Variants in SYT10 observed in about 807,000 individuals in gnomAD.
SYT10 encodes synaptotagmin-10.
In SYT10, 31 loss-of-function variants were observed where a neutral mutation model predicts 51.1. The ratio of observed to expected loss-of-function variants is 0.61; its 90% confidence interval spans 0.46 to 0.82. The LOEUF (loss-of-function observed/expected upper bound fraction) is 0.82. Among genes scored for constraint, SYT10 ranks in the 40% least tolerant of loss-of-function variants. The pLI is 0.00. For synonymous variants in SYT10, 233 were observed against 225.9 expected (o/e 1.03, Z -0.28); for missense variants, 603 against 634.0 (o/e 0.95, Z 0.53).
intron 6 of SYT10, among the ~76,000 whole-genome samples, chr12:33,377,714 G>A (rs1407547738): frequency 2.8e-5 from 4 of 145,388 alleles, no homozygotes; most frequent in African/African-American, 5.1e-5. Context: ...TGCAACCTCC[G>A]CCTCCTGGGT....
intron 1 of SYT10, among the ~76,000 whole-genome samples, chr12:33,433,801 C>T (rs1461476974): frequency 6.6e-6 from 1 of 152,254 alleles, no homozygotes; most frequent in East Asian, 1.9e-4. Context: ...ATATTAACAG[C>T]TTATCTTCAC....
At chr12:33,391,408 AG>A (rs1473559625) in intron 3 of SYT10, among the ~76,000 whole-genome samples, 2 of 152,120 alleles carry the variant, frequency 1.3e-5, no homozygotes, top group African/African-American at 4.8e-5. Flanking sequence ...GTAAAGGCAA[AG>A]GGAATTAGAA....
rs1866067374 is a variant in SYT10, at chr12:33,376,857, AG to A, written c.1544del (p.Pro515LeufsTer17). The A allele has an allele frequency of 6.2e-7, 1 of 1,613,990 alleles. No individual in the cohort carries two copies. The highest frequency in any genetic ancestry group is 1.7e-5 in the Admixed American group (1 of 59,998). On this transcript the variant is annotated frameshift_variant, in exon 7 of 7. Coordinates refer to ENST00000228567, the MANE Select transcript of SYT10 (RefSeq NM_198992.4). LOFTEE classifies it high-confidence loss of function. The part of the protein sequence containing the change: ...ATSFDSQGSC[P>X]SPKPPSTP Reference sequence around the variant, plus strand: ...ATGGTGTGGAAGGTGGTTTAGGAGAAGGGCAGGATCCTTGACTATCAAAACT... The same window carrying A: ...ATGGTGTGGAAGGTGGTTTAGGAGAAGGCAGGATCCTTGACTATCAAAACT...
intron 3 of SYT10, among the ~76,000 whole-genome samples, chr12:33,394,098 T>G (rs1385042177): frequency 6.6e-6 from 1 of 152,176 alleles, no homozygotes; most frequent in East Asian, 1.9e-4. Context: ...TAACAGTGTG[T>G]TTGGGCACAA....
chr12:33,419,672 A>G (rs1184580680), intron 2 of SYT10, among the ~76,000 whole-genome samples: 1 of 152,014 alleles, frequency 6.6e-6, no homozygotes, highest in Non-Finnish European at 1.5e-5. Context: ...ACTTCTCTCC[A>G]TGTTTAAAAA....
At chr12:33,384,801 A>G (rs887874457) in intron 4 of SYT10, among the ~76,000 whole-genome samples, 3 of 152,228 alleles carry the variant, frequency 2.0e-5, no homozygotes, top group African/African-American at 7.2e-5. Context: ...GAATAAATTC[A>G]GACTAAACAT....
intron 2 of SYT10, among the ~76,000 whole-genome samples, chr12:33,414,562 C>T (rs947262169): frequency 6.6e-6 from 1 of 152,180 alleles, no homozygotes; most frequent in Non-Finnish European, 1.5e-5. Flanking sequence ...ATCTGAACAA[C>T]CTGCTCCTGA....
At chr12:33,402,208 T>C (rs1254494791) in intron 3 of SYT10, among the ~76,000 whole-genome samples, 5 of 152,236 alleles carry the variant, frequency 3.3e-5, no homozygotes, top group African/African-American at 9.6e-5. Flanking sequence ...GAAACTCCTA[T>C]GACATTAAAT....
At chr12:33,396,042 C>G (rs1866253303) in intron 3 of SYT10, among the ~76,000 whole-genome samples, 2 of 152,046 alleles carry the variant, frequency 1.3e-5, no homozygotes, top group South Asian at 2.1e-4. Context: ...GTTTTCTAAA[C>G]TATAAAAAGA....
chr12:33,426,012 TCTC>T, intron 2 of SYT10, 123 bp downstream of exon 2: 1 of 939,856 alleles, frequency 1.1e-6, no homozygotes. Context: ...CTTTCCCATT[TCTC>T]CTGTTTCTCT....
intron 3 of SYT10, among the ~76,000 whole-genome samples, chr12:33,403,023 T>C (rs1866319746): frequency 6.6e-6 from 1 of 152,080 alleles, no homozygotes; most frequent in African/African-American, 2.4e-5. Context: ...CTAGTGCTTT[T>C]CAAACTGATA....
At chr12:33,386,789 G>A (rs1483604430) in intron 3 of SYT10, among the ~76,000 whole-genome samples, 1 of 152,172 alleles carries the variant, frequency 6.6e-6, no homozygotes, top group Admixed American at 6.5e-5. Flanking sequence ...ACGTACTGAA[G>A]TGCACGGTGC....
chr12:33,400,759 C>T (rs1866296354), intron 3 of SYT10, among the ~76,000 whole-genome samples: 1 of 152,158 alleles, frequency 6.6e-6, no homozygotes, highest in South Asian at 2.1e-4. Flanking sequence ...GGTGTGGTGG[C>T]TCACGCCTGT....
At chr12:33,398,461 C>A (rs949414746) in intron 3 of SYT10, among the ~76,000 whole-genome samples, 1 of 151,916 alleles carries the variant, frequency 6.6e-6, no homozygotes, top group African/African-American at 2.4e-5. Context: ...TGCAACGAGC[C>A]GAGATCATGC....
chr12:33,407,072 C>T lies in SYT10; in HGVS notation c.794G>A (p.Gly265Glu). 6.2e-7 allele frequency: 1 copy of T among 1,614,064 alleles called. No homozygotes were observed. Among genetic ancestry groups the T allele is most frequent in the Non-Finnish European group, 8.5e-7 (1 of 1,180,012 alleles). Residue 265 changes from glycine (G) to glutamate (E), a missense_variant, in exon 3 of 7, where the codon GGA (glycine) becomes GAA (glutamate). Physicochemically the swap from Gly to Glu is moderately conservative, Grantham distance 98 (BLOSUM62 -2). Transcript: ENST00000228567. ...ALDLPAKDFTGTSDPYVKMYL... is the reference protein window; with the variant it reads ...ALDLPAKDFTETSDPYVKMYL... ...CATCTTCACATAAGGGTCAGAAGTT[C>T]CTGTGAAGTCTTTAGCAGGGAGATC...
In SYT10 at chr12:33,379,742, C is replaced by T. The variant is rs371135575; in HGVS notation, c.1500+90G>A. On this transcript the variant is annotated intron_variant, in intron 6 of 6. Transcript: ENST00000228567. ...CTATTTTTTTTAACAAGGGTGAATACATAAAATATCAGATAAAGGTTAGCA... is the reference window on the plus strand; with the variant it reads ...CTATTTTTTTTAACAAGGGTGAATATATAAAATATCAGATAAAGGTTAGCA... 53 of 1,496,784 alleles carry T rather than the reference C, an allele frequency of 3.5e-5. No individual in the cohort carries two copies. In the East Asian group the frequency reaches 6.6e-4, roughly 19 times the overall value. The allele number at this position is 1,496,784 out of a possible 1,614,324, so 92.7% of individuals were successfully genotyped here.
chr12:33,415,710 A>G (rs1217560759), intron 2 of SYT10, among the ~76,000 whole-genome samples: 1 of 152,222 alleles, frequency 6.6e-6, no homozygotes, highest in Non-Finnish European at 1.5e-5. Flanking sequence ...GCAAGACGAA[A>G]TCAAGTTTCT....
intron 2 of SYT10, among the ~76,000 whole-genome samples, chr12:33,415,028 G>T (rs190742127): frequency 2.0e-4 from 30 of 152,204 alleles, no homozygotes; most frequent in African/African-American, 7.2e-4. Context: ...ACTGGAATAC[G>T]AGCAAATTCT....
chr12:33,401,365 T>C (rs1866302916), intron 3 of SYT10, among the ~76,000 whole-genome samples: 2 of 152,202 alleles, frequency 1.3e-5, no homozygotes, highest in African/African-American at 4.8e-5. Context: ...ATGCTCGTAT[T>C]AGAGGTGGTT....
Sources: allele counts gnomAD v4.1 joint callset (sites outside exome capture counted in the v4.1 genomes callset), GRCh38; gene constraint gnomAD v4.1.1; transcripts MANE v1.5; gene names NCBI Gene and HGNC (gene_info 2026-07-23, HGNC 2026-07-21).